The following RNF213 variants were observed in gnomAD, a reference collection of about 807,000 sequenced individuals.
The protein encoded by RNF213 is E3 ubiquitin-protein ligase RNF213.
A neutral mutation model predicts 514.4 loss-of-function variants in RNF213; 341 were observed. The observed-to-expected ratio is 0.66, with a 90% CI of 0.61 to 0.73. RNF213 has a LOEUF of 0.73. Among genes scored for constraint, RNF213 ranks in the 30% least tolerant of loss-of-function variants. The probability of loss-of-function intolerance (pLI) is 0.00; values close to 1 mark genes in which losing one functional copy is unlikely to be tolerated. For synonymous variants in RNF213, 2,655 were observed against 2,658.2 expected (o/e 1.00, Z 0.04); for missense variants, 5,767 against 6,615.6 (o/e 0.87, Z 4.45).
In RNF213 at chr17:80,349,919, G is replaced by C; in HGVS notation, c.10088+13G>C. ...TCAAAGAAGTCCGGTGAGGTTCCCT[G>C]CCTTCCCTGCTGCCCTCTCCCTCCC... On this transcript the variant is annotated intron_variant, in intron 30 of 67. Transcript: ENST00000582970. 6 of 1,612,712 alleles carry C rather than the reference G, an allele frequency of 3.7e-6. No individual in the cohort carries two copies. Among genetic ancestry groups the C allele is most frequent in the Non-Finnish European group, 5.1e-6 (6 of 1,179,810 alleles).
At position 80,386,869 on chromosome 17, in the gene RNF213, GC is replaced by G. The variant is rs781661011; in HGVS notation, c.14901del (p.Lys4968SerfsTer4). 2 of 1,613,124 alleles carry G rather than the reference GC, an allele frequency of 1.2e-6. No homozygotes were observed. Among genetic ancestry groups the G allele is most frequent in the South Asian group, 2.2e-5 (2 of 90,972 alleles). On this transcript the variant is annotated frameshift_variant, in exon 63 of 68. Transcript: ENST00000582970. LOFTEE classifies it high-confidence loss of function. ...QRQIVSRFLQGKPRLSLKGIP... is the reference protein window; with the variant it reads ...QRQIVSRFLQXKPRLSLKGIP... ...CAGATCGTCAGCCGCTTCCTCCAGG[GC>G]AAGCCCCGGCTGAGCCTCAAGGTAG... is the stretch of plus-strand genomic sequence containing the variant.
chr17:80,345,116 G>A lies in RNF213; in HGVS notation c.6781G>A (p.Asp2261Asn). ...VVTFMIFMAR[D>N]FATPSLHTSD... ...GACCTTCATGATCTTTATGGCAAGA[G>A]ATTTTGCCACACCATCACTCCACAC... The change falls in exon 29 of 68, where the codon GAT (aspartate) becomes AAT (asparagine). Residue 2261 changes from aspartate to asparagine, a missense_variant. Physicochemically the swap from Asp to Asn is conservative, Grantham distance 23. Coordinates refer to ENST00000582970, the MANE Select transcript of RNF213 (RefSeq NM_001256071.3). The surrounding 1 kb of genome is among the most constrained non-coding windows in gnomAD (Gnocchi z 6.0). The A allele has an allele frequency of 1.9e-6, 3 of 1,614,098 alleles. No homozygotes were observed. The highest frequency in any genetic ancestry group is 2.5e-6 in the Non-Finnish European group (3 of 1,180,018).
Position 80,383,928 on chromosome 17 carries a change from GGTATGTCTGGCTTACT to G in RNF213, c.14322+3_14322+18del. The G allele has an allele frequency of 6.2e-7, 1 of 1,614,178 alleles. No individual in the cohort carries two copies. The highest frequency in any genetic ancestry group is 8.5e-7 in the Non-Finnish European group (1 of 1,180,038). On this transcript the variant is annotated splice_donor_variant and splice_donor_5th_base_variant and intron_variant, in intron 59 of 67. Transcript: ENST00000582970. LOFTEE classifies it high-confidence loss of function. ...CCATCCTCTGGCATTTCCTGCAGAA[GGTATGTCTGGCTTACT>G]GTGGCTCCCTCCCTCTTTCGGTGCA...
chr17:80,384,853 C>T (rs2080169890), intron 59 of RNF213, 186 bp from the exon 60 acceptor site: 2 of 684,992 alleles, frequency 2.9e-6, no homozygotes, highest in East Asian at 2.8e-5. Flanking sequence ...TTCTAGCACA[C>T]TGCACTGTCT....
chr17:80,378,027 T>C (rs1199298470), intron 54 of RNF213, among the ~76,000 whole-genome samples: 1 of 152,202 alleles, frequency 6.6e-6, no homozygotes, highest in Non-Finnish European at 1.5e-5. Flanking sequence ...TGGGCTGTCC[T>C]GTGCACTGCA....
chr17:80,305,910 C>T (rs2045341179), intron 11 of RNF213, among the ~76,000 whole-genome samples: 2 of 152,200 alleles, frequency 1.3e-5, no homozygotes, highest in Non-Finnish European at 2.9e-5. Flanking sequence ...TGAGCCACCA[C>T]GCCCGGCCAT....
In RNF213 at chr17:80,353,861, G is replaced by A. The variant is rs1379847262; in HGVS notation, c.10579-158G>A. The A allele has an allele frequency of 8.5e-7, 1 of 1,175,526 alleles. No individual in the cohort carries two copies. The highest frequency in any genetic ancestry group is 1.2e-6 in the Non-Finnish European group (1 of 811,192). The allele number at this position is 1,175,526 out of a possible 1,614,324, so 72.8% of individuals were successfully genotyped here. A position where few individuals can be genotyped will look rare whatever the true frequency, so the allele number is the denominator to read the frequency against. ...TCAAGGGCATCTGCACCGGCAGTTTGGGGGGTGCAGGGCGGAGGTCGGCGT... is the reference window on the plus strand; with the variant it reads ...TCAAGGGCATCTGCACCGGCAGTTTAGGGGGTGCAGGGCGGAGGTCGGCGT... On this transcript the variant is annotated intron_variant, in intron 34 of 67. Transcript: ENST00000582970. The surrounding 1 kb of genome is among the most constrained non-coding windows in gnomAD (Gnocchi z 5.0).
chr17:80,298,086 C>A (rs185174542), intron 10 of RNF213, among the ~76,000 whole-genome samples: 2 of 152,192 alleles, frequency 1.3e-5, no homozygotes, highest in East Asian at 3.9e-4. Context: ...GAGATCCCTC[C>A]CCTGTCCTGG....
intron 3 of RNF213, among the ~76,000 whole-genome samples, 181 bp from the exon 4 acceptor site, chr17:80,287,634 A>G (rs983585537): frequency 1.8e-4 from 23 of 124,740 alleles, no homozygotes; most frequent in Non-Finnish European, 2.8e-4. Context: ...GACCCTGCCC[A>G]CCCCCCACTT....
intron 21 of RNF213, among the ~76,000 whole-genome samples, chr17:80,333,314 C>A (rs966972860): frequency 6.6e-6 from 1 of 151,374 alleles, no homozygotes; most frequent in Non-Finnish European, 1.5e-5. Flanking sequence ...CCCACCGTGG[C>A]CTCCCAAAGT....
chr17:80,292,649 C>T (rs2044773292), intron 8 of RNF213, among the ~76,000 whole-genome samples: 1 of 152,080 alleles, frequency 6.6e-6, no homozygotes, highest in African/African-American at 2.4e-5. Flanking sequence ...GCAGAGCCCT[C>T]TGCGCCCCTT....
At position 80,375,871 on chromosome 17, in the gene RNF213, G is replaced by T. The variant is rs542198349; in HGVS notation, c.13185+1G>T. On this transcript the variant is annotated splice_donor_variant, in intron 51 of 67. Coordinates refer to ENST00000582970, the MANE Select transcript of RNF213 (RefSeq NM_001256071.3). LOFTEE classifies it high-confidence loss of function. ...TGCAAGCCTCCACCCCACGCCAGAG[G>T]TGAGTAACCGCCTGCAGGGCTGTGT... 6.3e-7 allele frequency: 1 copy of T among 1,587,780 alleles called. No homozygotes were observed. Among genetic ancestry groups the T allele is most frequent in the African/African-American group, 1.3e-5 (1 of 74,438 alleles).
At chr17:80,373,377 C>T (rs2079604466) in intron 49 of RNF213, among the ~76,000 whole-genome samples, 2 of 151,126 alleles carry the variant, frequency 1.3e-5, no homozygotes, top group Admixed American at 6.6e-5. Flanking sequence ...TTCCGCGTTC[C>T]GCCTGCCCTT....
In RNF213 at chr17:80,346,514, C is replaced by G. The variant is rs375688032; in HGVS notation, c.8179C>G (p.Arg2727Gly). ...CAGGCTGCTTCTGGATGAAATAACA[C>G]GGGCACAGGATCTTTTTCTGGACGG... ...DSRLLLDEITRAQDLFLDGVP... is the reference protein window; with the variant it reads ...DSRLLLDEITGAQDLFLDGVP... The change falls in exon 29 of 68, where the codon CGG (arginine) becomes GGG (glycine). Residue 2727 changes from arginine to glycine, a missense_variant. Around this residue, in one of 13 missense-constraint regions of RNF213, gnomAD observed 1,377 missense variants for 1,635.2 expected, o/e 0.84. Coordinates refer to ENST00000582970, the MANE Select transcript of RNF213 (RefSeq NM_001256071.3). This position sits in a 1 kb window ranked among gnomAD's most constrained non-coding sequence, Gnocchi z 8.1. 2.5e-6 allele frequency: 4 copies of G among 1,613,628 alleles called. No individual in the cohort carries two copies. Among genetic ancestry groups the G allele is most frequent in the Non-Finnish European group, 2.5e-6 (3 of 1,180,034 alleles).
rs2080635821 is a variant in RNF213 at position 80,395,405 on chromosome 17, T to G, written c.*1907T>G. 6.6e-6 allele frequency: 1 copy of G among 152,234 alleles called. No individual in the cohort carries two copies. 9.4% of individuals were successfully genotyped at this position (152,234 alleles called of 1,614,324 possible). The stretch of plus-strand genomic sequence containing the variant: ...TTGTGTTCTTTGTGGAAATGTCCTT[T>G]AGAAGCACCCATGAAGTAGTGTGTT... On this transcript the variant is annotated 3_prime_UTR_variant, in exon 68 of 68. Coordinates refer to ENST00000582970, the MANE Select transcript of RNF213 (RefSeq NM_001256071.3).
intron 13 of RNF213, among the ~76,000 whole-genome samples, chr17:80,307,970 T>C (rs7502336): frequency 0.46 from 69,976 of 151,722 alleles, 18,370 homozygotes; most frequent in African/African-American, 0.73. Flanking sequence ...TAAATAGTCA[T>C]GATACTGCAT....
Position 80,317,085 on chromosome 17 carries a change from G to A in RNF213, c.2812-103G>A, listed in dbSNP as rs8081918. 5,779 of 1,275,482 alleles carry A rather than the reference G, an allele frequency of 4.5e-3. 182 individuals are homozygous for A. The African/African-American group carries it at 0.075, about 17-fold the overall frequency. 79.0% of individuals were successfully genotyped at this position (1,275,482 alleles called of 1,614,324 possible). A position where few individuals can be genotyped will look rare whatever the true frequency, so the allele number is the denominator to read the frequency against. On this transcript the variant is annotated intron_variant, in intron 15 of 67. Transcript: ENST00000582970. This position sits in a 1 kb window ranked among gnomAD's most constrained non-coding sequence, Gnocchi z 4.1. Reference sequence around the variant, plus strand: ...AGAGCCCTGGTGTTCGCGGAGTCCCGCGCTCTCTGTATTGCCGTAATGCTC... The same window carrying A: ...AGAGCCCTGGTGTTCGCGGAGTCCCACGCTCTCTGTATTGCCGTAATGCTC...
intron 36 of RNF213, among the ~76,000 whole-genome samples, chr17:80,355,660 A>T (rs1359818607): frequency 1.8e-4 from 6 of 33,802 alleles, no homozygotes; most frequent in African/African-American, 7.0e-4. Context: ...GTGGACGGGA[A>T]TGGGGGCTTA....
chr17:80,334,695 T>C (rs999410800), intron 22 of RNF213, among the ~76,000 whole-genome samples: 46 of 150,822 alleles, frequency 3.0e-4, no homozygotes, highest in Admixed American at 1.2e-3. Context: ...GGCGTGATCT[T>C]GGCTCACTGC....
Sources: gnomAD v4.1 joint callset for allele counts (sites outside exome capture counted in the v4.1 genomes callset) on GRCh38, gnomAD v4.1.1 for gene constraint, gnomAD v4.1.1 regional missense constraint, Gnocchi (gnomAD v3.1) non-coding constraint, MANE v1.5 for transcripts, NCBI Gene and HGNC (gene_info 2026-07-23, HGNC 2026-07-21) for gene names.